The following PCDHGA5 variants were observed in gnomAD, a reference collection of about 807,000 sequenced individuals.
PCDHGA5 encodes protocadherin gamma-A5.
A neutral mutation model predicts 56.7 loss-of-function variants in PCDHGA5; 36 were observed. The observed-to-expected ratio is 0.64, with a 90% CI of 0.49 to 0.84. The LOEUF (loss-of-function observed/expected upper bound fraction) is 0.84, where lower values mean the gene tolerates loss of function less well. PCDHGA5 is among the 40% of genes least tolerant of loss of function. The probability of loss-of-function intolerance (pLI) is 0.00; values close to 1 mark genes in which losing one functional copy is unlikely to be tolerated. For synonymous variants in PCDHGA5, 563 were observed against 520.2 expected (o/e 1.08, Z -1.12); for missense variants, 1,305 against 1,201.5 (o/e 1.09, Z -1.27).
At chr5:141,380,404 C>T (rs972826552) in intron 1 of PCDHGA5, among the ~76,000 whole-genome samples, 3 of 152,146 alleles carry the variant, frequency 2.0e-5, no homozygotes, top group Middle Eastern at 6.3e-3. Flanking sequence ...ATAATCAATT[C>T]GATGCCCAGG....
At chr5:141,405,032 G>A (rs747720731) in intron 1 of PCDHGA5, 25 of 1,613,806 alleles carry the variant, frequency 1.5e-5, no homozygotes, top group African/African-American at 6.7e-5. Context: ...CCTCTACCTC[G>A]TTGTGGCTGT....
At chr5:141,382,809 C>A in intron 1 of PCDHGA5, 1 of 1,143,884 alleles carries the variant, frequency 8.7e-7, no homozygotes, top group Non-Finnish European at 1.2e-6. Context: ...TTCTGAGCTC[C>A]CCTTCCTAAG....
chr5:141,415,935 C>A, intron 1 of PCDHGA5: 1 of 601,886 alleles, frequency 1.7e-6, no homozygotes, highest in Non-Finnish European at 2.4e-6. Context: ...TTTATATTTC[C>A]TCCTGGGTGG....
rs1431906047 is a variant in PCDHGA5, at chr5:141,485,858, C to T, written c.2422-8949C>T. On this transcript the variant is annotated intron_variant, in intron 1 of 3. Transcript: ENST00000518069. This position sits in a 1 kb window ranked among gnomAD's most constrained non-coding sequence, Gnocchi z 5.7. ...GCCGAGATCTGGCACCGCAGAGCTC[C>T]GGGTATCCGTGCTGGACGTAAACGA... The T allele has an allele frequency of 1.9e-6, 3 of 1,614,162 alleles. No individual in the cohort carries two copies. The highest frequency in any genetic ancestry group is 2.5e-6 in the Non-Finnish European group (3 of 1,180,028).
At chr5:141,494,195 C>T in intron 1 of PCDHGA5, among the ~76,000 whole-genome samples, 1 of 152,188 alleles carries the variant, frequency 6.6e-6, no homozygotes, top group Non-Finnish European at 1.5e-5. Flanking sequence ...GACTTGGATG[C>T]CCCGCAAAGG....
chr5:141,390,448 A>AGT, intron 1 of PCDHGA5: 1 of 845,308 alleles, frequency 1.2e-6, no homozygotes, highest in South Asian at 1.8e-5. Context: ...ACAAAGGAGG[A>AGT]GTAAAGTAGG....
chr5:141,418,883 G>A (rs376245268), intron 1 of PCDHGA5: 5 of 1,613,960 alleles, frequency 3.1e-6, no homozygotes, highest in East Asian at 2.2e-5. Flanking sequence ...AGACGAAAAC[G>A]ACAACAGCCC....
intron 1 of PCDHGA5, chr5:141,371,262 C>A (rs368232567): frequency 1.9e-6 from 3 of 1,614,000 alleles, no homozygotes; most frequent in South Asian, 1.1e-5. Context: ...GGAAGTGAGA[C>A]AACTGTTCAA....
In PCDHGA5 at chr5:141,365,479, A is replaced by C; in HGVS notation, c.1149A>C (p.Ala383=). Residue 383 remains alanine, a synonymous_variant, in exon 1 of 4, where the codon GCA becomes GCC. Transcript: ENST00000518069. ...ATTCTGGAGAAAATGGTGAGATTGC[A>C]TGCTCTATTCCTAGGAATTTGCCTT... ...DGDSGENGEI[A]CSIPRNLPFK... The C allele has an allele frequency of 6.2e-7, 1 of 1,614,024 alleles. No individual in the cohort carries two copies. The highest frequency in any genetic ancestry group is 1.3e-5 in the African/African-American group (1 of 75,052).
At chr5:141,409,024 T>C (rs2095212064) in intron 1 of PCDHGA5, 2 of 1,613,988 alleles carry the variant, frequency 1.2e-6, no homozygotes, top group South Asian at 1.1e-5. Context: ...AGGGGGTCAA[T>C]GCTGAGATAA....
rs778372966 is a variant in PCDHGA5, at chr5:141,477,105, A to G, written c.2422-17702A>G. The G allele has an allele frequency of 7.4e-6, 12 of 1,614,106 alleles. No individual in the cohort carries two copies. The highest frequency in any genetic ancestry group is 4.0e-5 in the African/African-American group (3 of 74,934). On this transcript the variant is annotated intron_variant, in intron 1 of 3. Transcript: ENST00000518069. This position sits in a 1 kb window ranked among gnomAD's most constrained non-coding sequence, Gnocchi z 4.9. ...ATCCAGGCCAAAGACAAGGGCGCCA[A>G]TCCCGAAGGAGCACATTGCAAAGTG...
At chr5:141,413,215 T>C in intron 1 of PCDHGA5, 1 of 1,613,350 alleles carries the variant, frequency 6.2e-7, no homozygotes, top group Non-Finnish European at 8.5e-7. Context: ...ATCAAAGGAT[T>C]GCAGCGGGCT....
At position 141,487,534 on chromosome 5, in the gene PCDHGA5, G is replaced by T; in HGVS notation, c.2422-7273G>T. The T allele has an allele frequency of 6.2e-7, 1 of 1,614,174 alleles. No homozygotes were observed. The highest frequency in any genetic ancestry group is 8.5e-7 in the Non-Finnish European group (1 of 1,180,034). ...CCACTCGGAGTGATAGCTTCATGAT[G>T]GTGAAGTCACCCAGTGCACCTATGG... On this transcript the variant is annotated intron_variant, in intron 1 of 3. Coordinates refer to ENST00000518069, the MANE Select transcript of PCDHGA5 (RefSeq NM_018918.3). This position sits in a 1 kb window ranked among gnomAD's most constrained non-coding sequence, Gnocchi z 5.0.
At chr5:141,500,182 ATT>A (rs1199992745) in intron 2 of PCDHGA5, among the ~76,000 whole-genome samples, 2 of 131,622 alleles carry the variant, frequency 1.5e-5, no homozygotes, top group African/African-American at 3.1e-5. Flanking sequence ...CTTCATTTTT[ATT>A]TTTATTTATT....
intron 1 of PCDHGA5, among the ~76,000 whole-genome samples, chr5:141,465,063 C>T (rs187265709): frequency 8.5e-4 from 129 of 151,534 alleles, no homozygotes; most frequent in South Asian, 1.3e-3. Context: ...TTTGAATTGT[C>T]TGTTCATGTC....
chr5:141,494,510 C>T (rs1462702765), intron 1 of PCDHGA5, among the ~76,000 whole-genome samples: 1 of 152,156 alleles, frequency 6.6e-6, no homozygotes, highest in Non-Finnish European at 1.5e-5. Context: ...TGAATTTTGG[C>T]TCAGGAGTTC....
At chr5:141,413,220 C>A in intron 1 of PCDHGA5, 1 of 1,613,330 alleles carries the variant, frequency 6.2e-7, no homozygotes, top group South Asian at 1.1e-5. Flanking sequence ...AGGATTGCAG[C>A]GGGCTGGTCC....
chr5:141,433,222 A>G, intron 1 of PCDHGA5: 6 of 1,519,556 alleles, frequency 3.9e-6, no homozygotes, highest in Non-Finnish European at 5.4e-6. Flanking sequence ...TTTTTTTTTA[A>G]TTGCTCTGTC....
chr5:141,383,476 G>A, intron 1 of PCDHGA5: 1 of 1,613,748 alleles, frequency 6.2e-7, no homozygotes, highest in Non-Finnish European at 8.5e-7. Flanking sequence ...TAAGTACCCG[G>A]AACTGGTGCT....
Sources: allele counts gnomAD v4.1 joint callset (sites outside exome capture counted in the v4.1 genomes callset), GRCh38; gene constraint gnomAD v4.1.1; non-coding constraint Gnocchi (gnomAD v3.1); transcripts MANE v1.5; gene names NCBI Gene and HGNC (gene_info 2026-07-23, HGNC 2026-07-21).